The following CRLF3 variants were observed in gnomAD, a reference collection of about 807,000 sequenced individuals.
CRLF3 encodes the protein cytokine receptor like factor 3, also known as cytokine receptor-like factor 3.
A neutral mutation model predicts 55.0 loss-of-function variants in CRLF3; 33 were observed. That is an observed-to-expected ratio of 0.60 (90% confidence interval 0.46 to 0.80). CRLF3 has a LOEUF of 0.80. CRLF3 is among the 30% of genes least tolerant of loss of function. CRLF3 has a pLI of 0.00. For missense variants in CRLF3, 494 were observed against 538.4 expected, an observed-to-expected ratio of 0.92 and a Z score of 0.82; for synonymous variants, 238 against 196.8, an observed-to-expected ratio of 1.21 and a Z score of -1.75.
At chr17:30,796,994 G>A (rs1397833537) in intron 3 of CRLF3, among the ~76,000 whole-genome samples, 3 of 152,052 alleles carry the variant, frequency 2.0e-5, no homozygotes, top group African/African-American at 7.2e-5. Context: ...TGCCTCCTGG[G>A]TTCAAGCAAT....
At chr17:30,792,329 G>A (rs1971820460) in intron 6 of CRLF3, 111 bp downstream of exon 6, 2 of 991,160 alleles carry the variant, frequency 2.0e-6, no homozygotes, top group Admixed American at 2.0e-5. Context: ...CAGTAACACT[G>A]CCTATAAATG....
At chr17:30,815,647 A>C (rs1273083941) in intron 1 of CRLF3, among the ~76,000 whole-genome samples, 2 of 148,576 alleles carry the variant, frequency 1.3e-5, no homozygotes, top group African/African-American at 5.0e-5. Flanking sequence ...AGGTTCAAGT[A>C]ATTCTCTTGC....
Position 30,786,042 on chromosome 17 carries a change from A to T in CRLF3, c.960-11T>A, listed in dbSNP as rs756234085. 1 of 1,403,026 alleles carries T rather than the reference A, an allele frequency of 7.1e-7. No individual in the cohort carries two copies. Among genetic ancestry groups the T allele is most frequent in the Admixed American group, 1.7e-5 (1 of 57,300 alleles). 86.9% of individuals were successfully genotyped at this position (1,403,026 alleles called of 1,614,324 possible). A position where few individuals can be genotyped will look rare whatever the true frequency, so the allele number is the denominator to read the frequency against. On this transcript the variant is annotated splice_polypyrimidine_tract_variant and intron_variant, in intron 6 of 7. Coordinates refer to ENST00000324238, the MANE Select transcript of CRLF3 (RefSeq NM_015986.4). Reference sequence around the variant, plus strand: ...CCCACAGTTTCAACTCTGTAAATGAAGTAGAAAGGTCATTTCATACTTTTA... The same window carrying T: ...CCCACAGTTTCAACTCTGTAAATGATGTAGAAAGGTCATTTCATACTTTTA...
intron 6 of CRLF3, 90 bp from the exon 7 acceptor site, chr17:30,786,121 A>C (rs1360028610): frequency 4.0e-6 from 3 of 740,982 alleles, no homozygotes; most frequent in African/African-American, 3.5e-5. Flanking sequence ...GAGCAATCTC[A>C]CCACAATTGT....
intron 1 of CRLF3, among the ~76,000 whole-genome samples, chr17:30,822,750 C>T (rs1905034228): frequency 6.6e-6 from 1 of 152,108 alleles, no homozygotes; most frequent in Non-Finnish European, 1.5e-5. Context: ...TAAACTCACT[C>T]ATTTAGTGTC....
At chr17:30,820,547 T>C (rs1183222857) in intron 1 of CRLF3, among the ~76,000 whole-genome samples, 1 of 151,774 alleles carries the variant, frequency 6.6e-6, no homozygotes, top group Admixed American at 6.6e-5. Flanking sequence ...TCCCAGCATT[T>C]TGGGAGGCTG....
At chr17:30,786,156 A>G (rs1472918840) in intron 6 of CRLF3, 125 bp from the exon 7 acceptor site, 3 of 613,356 alleles carry the variant, frequency 4.9e-6, no homozygotes, top group Non-Finnish European at 8.7e-6. Flanking sequence ...TACAGCAACC[A>G]TGATTGAGTT....
chr17:30,813,530 G>C (rs971646633), intron 1 of CRLF3, among the ~76,000 whole-genome samples: 3 of 151,982 alleles, frequency 2.0e-5, no homozygotes, highest in Admixed American at 2.0e-4. Flanking sequence ...ATGTCACCTT[G>C]AATAACAATA....
At chr17:30,817,588 T>C (rs1331609752) in intron 1 of CRLF3, among the ~76,000 whole-genome samples, 1 of 152,082 alleles carries the variant, frequency 6.6e-6, no homozygotes, top group Non-Finnish European at 1.5e-5. Flanking sequence ...CTTTGCAGAA[T>C]AATATGTATA....
intron 1 of CRLF3, among the ~76,000 whole-genome samples, chr17:30,812,623 T>C (rs1015609622): frequency 4.6e-5 from 7 of 152,174 alleles, no homozygotes; most frequent in Non-Finnish European, 1.0e-4. Context: ...TGGCCCCCAA[T>C]GAACCAGGAA....
chr17:30,811,449 G>A (rs767586272), intron 1 of CRLF3, among the ~76,000 whole-genome samples: 1 of 151,024 alleles, frequency 6.6e-6, no homozygotes, highest in African/African-American at 2.4e-5. Flanking sequence ...GCAATACTCT[G>A]TCTCGAACAA....
Position 30,788,599 on chromosome 17 carries a change from C to CTTTTTTTT in CRLF3, c.960-2576_960-2569dup, listed in dbSNP as rs1159336036. Among the ~76,000 whole-genome samples, 29 of 80,034 alleles carry CTTTTTTTT rather than the reference C, an allele frequency of 3.6e-4. 1 individual carries two copies. Among genetic ancestry groups the CTTTTTTTT allele is most frequent in the African/African-American group, 1.1e-3 (19 of 17,230 alleles). The allele number at this position is 80,034 out of a possible 152,430, so 52.5% of individuals were successfully genotyped here. ...GGGATAAATAACAAAGTAGTGCCTTCTTTTTTTTTTTTTTTTTTTTTTTTT... is the reference window on the plus strand; with the variant it reads ...GGGATAAATAACAAAGTAGTGCCTTCTTTTTTTTTTTTTTTTTTTTTTTTTTTTTTTTT... On this transcript the variant is annotated intron_variant, in intron 6 of 7. Transcript: ENST00000324238.
Position 30,796,985 on chromosome 17 carries a change from G to C in CRLF3, c.425+326C>G, listed in dbSNP as rs540864974. 2.0e-5 allele frequency among the ~76,000 whole-genome samples: 3 copies of C among 152,148 alleles called. No individual in the cohort carries two copies. The East Asian group carries it at 5.8e-4, about 29-fold the overall frequency. On this transcript the variant is annotated intron_variant, in intron 3 of 7. Coordinates refer to ENST00000324238, the MANE Select transcript of CRLF3 (RefSeq NM_015986.4). ...ACAAACTTGGCTCACTGCAACATCTGCCTCCTGGGTTCAAGCAATTCTCCT... is the reference window on the plus strand; with the variant it reads ...ACAAACTTGGCTCACTGCAACATCTCCCTCCTGGGTTCAAGCAATTCTCCT...
intron 7 of CRLF3, 122 bp downstream of exon 7, chr17:30,785,791 AAAAAAG>A (rs1397397392): frequency 3.7e-4 from 216 of 584,892 alleles, no homozygotes; most frequent in Non-Finnish European, 5.2e-4. Flanking sequence ...TAAAAAAAAA[AAAAAAG>A]AAAAAGAAAA....
At chr17:30,802,068 T>C (rs1311355731) in intron 2 of CRLF3, among the ~76,000 whole-genome samples, 4 of 152,084 alleles carry the variant, frequency 2.6e-5, no homozygotes, top group Admixed American at 2.6e-4. Flanking sequence ...TCTCTTAGCA[T>C]GTATCTCTCT....
intron 1 of CRLF3, among the ~76,000 whole-genome samples, chr17:30,808,779 G>A (rs1198489572): frequency 6.6e-6 from 1 of 151,700 alleles, no homozygotes; most frequent in Admixed American, 6.6e-5. Flanking sequence ...ATTTTTAGTA[G>A]AGACGGGGTT....
rs3752022 is a variant in CRLF3, at chr17:30,783,981, T to C, written c.*206A>G. On this transcript the variant is annotated 3_prime_UTR_variant, in exon 8 of 8. Coordinates refer to ENST00000324238, the MANE Select transcript of CRLF3 (RefSeq NM_015986.4). ...TGTGATGTGATATTTAACAGTATGC[T>C]AAAAATAAAATTGACTGAATTGTAT... 7.6e-6 allele frequency: 4 copies of C among 523,836 alleles called. No homozygotes were observed. In the East Asian group the frequency reaches 1.2e-4, roughly 16 times the overall value. The allele number at this position is 523,836 out of a possible 1,614,324, so 32.4% of individuals were successfully genotyped here. A position where few individuals can be genotyped will look rare whatever the true frequency, so the allele number is the denominator to read the frequency against.
At chr17:30,791,777 A>G (rs1971807431) in intron 6 of CRLF3, among the ~76,000 whole-genome samples, 1 of 151,594 alleles carries the variant, frequency 6.6e-6, no homozygotes, top group Non-Finnish European at 1.5e-5. Context: ...CAGCCTCCCA[A>G]AGTGCTGGGA....
chr17:30,786,193 ATTATT>A, intron 6 of CRLF3, 162 bp from the exon 7 acceptor site: 1 of 529,928 alleles, frequency 1.9e-6, no homozygotes, highest in Non-Finnish European at 3.3e-6. Flanking sequence ...CACTGTTCTA[ATTATT>A]TTATATCTAT....
Sources: gnomAD v4.1 joint callset for allele counts (sites outside exome capture counted in the v4.1 genomes callset) on GRCh38, gnomAD v4.1.1 for gene constraint, MANE v1.5 for transcripts, NCBI Gene and HGNC (gene_info 2026-07-23, HGNC 2026-07-21) for gene names.